Variants in VPS13A observed in about 807,000 individuals in gnomAD.
VPS13A encodes intermembrane lipid transfer protein VPS13A.
In VPS13A, 264 loss-of-function variants were observed where a neutral mutation model predicts 390.9. That is an observed-to-expected ratio of 0.68 (90% CI 0.61 to 0.75). The LOEUF is 0.75. VPS13A is among the 30% of genes least tolerant of loss of function. The pLI, the probability that VPS13A is intolerant of heterozygous loss-of-function variation, is 0.00. For missense variants in VPS13A, 3,409 were observed against 3,733.9 expected (o/e 0.91, Z 2.27); for synonymous variants, 1,231 against 1,227.1 (o/e 1.00, Z -0.07).
intron 53 of VPS13A, 33 bp from the exon 54 acceptor site, chr9:77,353,375 TG>T: frequency 1.4e-6 from 2 of 1,408,164 alleles, no homozygotes; most frequent in East Asian, 2.3e-5. Flanking sequence ...TCTAATTTTT[TG>T]GTTTTTTTTT....
intron 32 of VPS13A, 98 bp from the exon 33 acceptor site, chr9:77,295,444 G>GC: frequency 9.2e-7 from 1 of 1,081,272 alleles, no homozygotes. Flanking sequence ...TCAAGTAAAA[G>GC]TTTTTTTTTA....
chr9:77,339,932 T>G, intron 48 of VPS13A, 21 bp downstream of exon 48: 1 of 1,605,070 alleles, frequency 6.2e-7, no homozygotes, highest in Non-Finnish European at 8.5e-7. Flanking sequence ...TTTATTCTGT[T>G]TTTCCCTTGT....
chr9:77,340,142 C>T, intron 48 of VPS13A, 36 bp from the exon 49 acceptor site: 2 of 1,581,954 alleles, frequency 1.3e-6, no homozygotes, highest in South Asian at 2.2e-5. Context: ...TTAAAGGTAC[C>T]TAAATTGTGA....
chr9:77,376,760 A>G (rs1450019970), intron 67 of VPS13A, among the ~76,000 whole-genome samples: 1 of 152,198 alleles, frequency 6.6e-6, no homozygotes, highest in Non-Finnish European at 1.5e-5. Context: ...AGAGGTAAAA[A>G]TTCAAGATTT....
rs753852395 is a variant in VPS13A at position 77,318,389 on chromosome 9, ATGAAAC to A, written c.5117_5122del (p.Thr1706_Glu1707del). The A allele has an allele frequency of 9.9e-6, 16 of 1,613,864 alleles. No homozygotes were observed. The highest frequency in any genetic ancestry group is 1.7e-5 in the Admixed American group (1 of 59,988). On this transcript the variant is annotated inframe_deletion, in exon 41 of 72. Transcript: ENST00000360280. ...AAAATGTGGTTTCTTGAAGAATCAAATGAAACTGAAAAAATAGCTCCCACAACTGAA... is the reference window on the plus strand; with the variant it reads ...AAAATGTGGTTTCTTGAAGAATCAAATGAAAAAATAGCTCCCACAACTGAA...
At position 77,359,362 on chromosome 9, in the gene VPS13A, G is replaced by T. The variant is rs139225914; in HGVS notation, c.8065G>T (p.Val2689Phe). The change falls in exon 58 of 72, where the codon GTC (valine) becomes TTC (phenylalanine). Residue 2689 changes from valine (V) to phenylalanine (F), a missense_variant. Val to Phe is a conservative substitution (Grantham distance 50). Coordinates refer to ENST00000360280, the MANE Select transcript of VPS13A (RefSeq NM_033305.3). ...APKPFTDVSIVMRSAGHSQIS... is the reference protein window; with the variant it reads ...APKPFTDVSIFMRSAGHSQIS... The stretch of plus-strand genomic sequence containing the variant: ...AAAGCCCTTTACAGATGTCAGTATT[G>T]TCATGAGATCTGCAGGACATTCCCA... 6.2e-7 allele frequency: 1 copy of T among 1,613,340 alleles called. No individual in the cohort carries two copies. The highest frequency in any genetic ancestry group is 8.5e-7 in the Non-Finnish European group (1 of 1,179,696).
Position 77,214,659 on chromosome 9 carries a change from A to G in VPS13A, c.754+273A>G, listed in dbSNP as rs10521477. Among the ~76,000 whole-genome samples, 3,509 of 152,324 alleles carry G rather than the reference A, an allele frequency of 0.023. 114 individuals are homozygous for G. Among genetic ancestry groups the G allele is most frequent in the East Asian group, 0.12 (613 of 5,188 alleles). ...ATAAACCTCTAAGGATTATTCAGTA[A>G]CAATTAGGGTAATATTTATGAAGAC... On this transcript the variant is annotated intron_variant, in intron 10 of 71. Coordinates refer to ENST00000360280, the MANE Select transcript of VPS13A (RefSeq NM_033305.3).
intron 59 of VPS13A, among the ~76,000 whole-genome samples, chr9:77,364,482 C>T (rs1832330163): frequency 6.6e-6 from 1 of 152,054 alleles, no homozygotes; most frequent in Non-Finnish European, 1.5e-5. Context: ...CTCACAGTTG[C>T]ACTCAACCAT....
chr9:77,304,985 C>G (rs1828639041), intron 34 of VPS13A, among the ~76,000 whole-genome samples: 1 of 150,312 alleles, frequency 6.7e-6, no homozygotes, highest in Admixed American at 6.6e-5. Flanking sequence ...GTTGCCCAGG[C>G]TGGAGTGCAG....
Position 77,276,103 on chromosome 9 carries a change from ACTAT to A in VPS13A, c.2709_2712del (p.Ser904TrpfsTer2). ...TTTATCACCTTGTTGGAGATTGTGA[ACTAT>A]CTGTGGTAGAAATTCTTGTTTTAGG... On this transcript the variant is annotated frameshift_variant, in exon 26 of 72. Coordinates refer to ENST00000360280, the MANE Select transcript of VPS13A (RefSeq NM_033305.3). LOFTEE classifies it high-confidence loss of function. 1 of 1,613,230 alleles carries A rather than the reference ACTAT, an allele frequency of 6.2e-7. No homozygotes were observed. The highest frequency in any genetic ancestry group is 1.1e-5 in the South Asian group (1 of 91,054).
rs930226384 is a variant in VPS13A, at chr9:77,340,041, A to T, written c.6774+130A>T. 5.1e-6 allele frequency: 7 copies of T among 1,362,608 alleles called. No individual in the cohort carries two copies. In the African/African-American group the frequency reaches 1.0e-4, roughly 20 times the overall value. 84.4% of individuals were successfully genotyped at this position (1,362,608 alleles called of 1,614,324 possible). A position where few individuals can be genotyped will look rare whatever the true frequency, so the allele number is the denominator to read the frequency against. Reference sequence around the variant, plus strand: ...TTGTTAAATATTTGAGGCCAAAAAGATTAGAATTTAATATTATAAAGGTTT... The same window carrying T: ...TTGTTAAATATTTGAGGCCAAAAAGTTTAGAATTTAATATTATAAAGGTTT... On this transcript the variant is annotated intron_variant, in intron 48 of 71. Transcript: ENST00000360280.
intron 33 of VPS13A, among the ~76,000 whole-genome samples, chr9:77,296,560 C>T (rs1297866219): frequency 6.6e-6 from 1 of 152,162 alleles, no homozygotes; most frequent in Non-Finnish European, 1.5e-5. Flanking sequence ...TTCTCTACTT[C>T]TCTTTAGCTT....
intron 68 of VPS13A, among the ~76,000 whole-genome samples, chr9:77,383,473 C>T (rs931356918): frequency 6.6e-6 from 1 of 151,978 alleles, no homozygotes; most frequent in African/African-American, 2.4e-5. Flanking sequence ...ACCTGCCTTC[C>T]CTTGTTAGAA....
chr9:77,275,527 T>C lies in VPS13A; in HGVS notation c.2542T>C (p.Cys848Arg), dbSNP rs1158152165. Residue 848 changes from cysteine to arginine, a missense_variant, in exon 25 of 72, where the codon TGT becomes CGT. This residue lies in a region of VPS13A where 2,717 missense variants were observed against 2,917.4 expected (regional missense o/e 0.93). Coordinates refer to ENST00000360280, the MANE Select transcript of VPS13A (RefSeq NM_033305.3). ...AGAGGAGGAATTTTTTGATGCACCA[T>C]GTAGTCCCTTGGAAGAACCTCTTCA... is the stretch of plus-strand genomic sequence containing the variant. ...DSEEEFFDAP[C>R]SPLEEPLQFP... 1 of 1,613,824 alleles carries C rather than the reference T, an allele frequency of 6.2e-7. No individual in the cohort carries two copies. The highest frequency in any genetic ancestry group is 1.7e-5 in the Admixed American group (1 of 60,016).
chr9:77,377,906 C>T (rs1026663993), intron 67 of VPS13A, among the ~76,000 whole-genome samples: 1 of 152,086 alleles, frequency 6.6e-6, no homozygotes, highest in African/African-American at 2.4e-5. Context: ...AACGCTTTTT[C>T]TGTATAATTA....
intron 3 of VPS13A, among the ~76,000 whole-genome samples, 190 bp from the exon 4 acceptor site, chr9:77,205,123 A>G (rs1200829456): frequency 6.6e-6 from 1 of 152,188 alleles, no homozygotes; most frequent in African/African-American, 2.4e-5. Context: ...TAAATACAAT[A>G]ATTTCAAATC....
chr9:77,368,888 C>T (rs993218811), intron 62 of VPS13A, among the ~76,000 whole-genome samples: 1 of 152,170 alleles, frequency 6.6e-6, no homozygotes, highest in Non-Finnish European at 1.5e-5. Flanking sequence ...AATCCCAACA[C>T]TTTGGGAGGC....
intron 19 of VPS13A, among the ~76,000 whole-genome samples, chr9:77,244,345 G>T (rs1177918497): frequency 6.9e-6 from 1 of 144,308 alleles, no homozygotes; most frequent in Non-Finnish European, 1.5e-5. Context: ...TCCACACTTT[G>T]TTGGGAGAAG....
chr9:77,307,809 GT>G, intron 34 of VPS13A, 135 bp from the exon 35 acceptor site: 1 of 732,376 alleles, frequency 1.4e-6, no homozygotes, highest in Non-Finnish European at 2.2e-6. Context: ...TGAATATTCA[GT>G]TTGTAAAAAT....
Sources: allele counts gnomAD v4.1 joint callset (sites outside exome capture counted in the v4.1 genomes callset), GRCh38; gene constraint gnomAD v4.1.1; regional missense constraint gnomAD v4.1.1; transcripts MANE v1.5; gene names NCBI Gene and HGNC (gene_info 2026-07-23, HGNC 2026-07-21).